Variants in CWF19L2 observed in about 807,000 individuals in gnomAD.
CWF19L2 encodes CWF19 like cell cycle control factor 2, also known as CWF19-like protein 2.
In CWF19L2, 98 loss-of-function variants were observed where a neutral mutation model predicts 111.7. That is an observed-to-expected ratio of 0.88 (90% CI 0.75 to 1.04). The LOEUF is 1.04. Among genes scored for constraint, CWF19L2 ranks in the 50% least tolerant of loss-of-function variants. The pLI is 0.00. For synonymous variants in CWF19L2, 351 were observed against 342.9 expected, an observed-to-expected ratio of 1.02 and a Z score of -0.26; for missense variants, 1,101 against 1,051.4, an observed-to-expected ratio of 1.05 and a Z score of -0.65.
chr11:107,363,069 A>G (rs1860381595), intron 12 of CWF19L2, among the ~76,000 whole-genome samples: 2 of 152,146 alleles, frequency 1.3e-5, no homozygotes, highest in Admixed American at 6.5e-5. Context: ...AAGAAAGGGT[A>G]TCAGCGATGG....
intron 3 of CWF19L2, among the ~76,000 whole-genome samples, chr11:107,450,256 C>A (rs1861759921): frequency 6.6e-6 from 1 of 152,022 alleles, no homozygotes; most frequent in South Asian, 2.1e-4. Flanking sequence ...ATATATAGAT[C>A]ATAGGCTAGA....
chr11:107,416,856 C>T (rs983787644), intron 9 of CWF19L2, among the ~76,000 whole-genome samples: 1 of 152,186 alleles, frequency 6.6e-6, no homozygotes, highest in East Asian at 1.9e-4. Context: ...TTCTTGAACA[C>T]AAGAACACAT....
At chr11:107,344,808 C>A (rs921613954) in intron 14 of CWF19L2, among the ~76,000 whole-genome samples, 1 of 152,112 alleles carries the variant, frequency 6.6e-6, no homozygotes, top group Admixed American at 6.6e-5. Flanking sequence ...GAGACTGGAT[C>A]TTGTTTAAAT....
At chr11:107,431,761 G>T (rs1338176963) in intron 7 of CWF19L2, among the ~76,000 whole-genome samples, 3 of 151,884 alleles carry the variant, frequency 2.0e-5, no homozygotes, top group Non-Finnish European at 4.4e-5. Context: ...GGAAAAGATA[G>T]AAAAATCAAT....
At chr11:107,444,141 C>T (rs1861670318) in intron 3 of CWF19L2, among the ~76,000 whole-genome samples, 1 of 151,778 alleles carries the variant, frequency 6.6e-6, no homozygotes, top group African/African-American at 2.4e-5. Flanking sequence ...TTCCTTGACC[C>T]CGTATATTCC....
chr11:107,446,219 C>A (rs1861700260), intron 3 of CWF19L2, among the ~76,000 whole-genome samples: 1 of 152,208 alleles, frequency 6.6e-6, no homozygotes, highest in Non-Finnish European at 1.5e-5. Flanking sequence ...TCTTGGTTTA[C>A]AAGGCCCTAT....
intron 12 of CWF19L2, among the ~76,000 whole-genome samples, chr11:107,356,657 A>C (rs1055880954): frequency 3.3e-5 from 5 of 152,242 alleles, no homozygotes; most frequent in Non-Finnish European, 7.3e-5. Flanking sequence ...CATTTTCATG[A>C]AATAGTGTCC....
At position 107,429,398 on chromosome 11, in the gene CWF19L2, C is replaced by T. The variant is rs1861431573; in HGVS notation, c.834G>A (p.Thr278=). 4.4e-6 allele frequency: 7 copies of T among 1,578,224 alleles called. No homozygotes were observed. Among genetic ancestry groups the T allele is most frequent in the Admixed American group, 1.9e-5 (1 of 53,360 alleles). ...KLEDAEKAAS[T]KEDYRRERWR... The stretch of plus-strand genomic sequence containing the variant: ...ACCGTTCCCGTCTATAATCTTCTTT[C>T]GTGGATGCAGCTTTTTCAGCATCTT... Residue 278 remains threonine (T), a synonymous_variant, in exon 8 of 18, where the codon ACG becomes ACA. Coordinates refer to ENST00000282251, the MANE Select transcript of CWF19L2 (RefSeq NM_152434.3).
At chr11:107,448,621 G>A (rs1346331193) in intron 3 of CWF19L2, among the ~76,000 whole-genome samples, 2 of 152,136 alleles carry the variant, frequency 1.3e-5, no homozygotes, top group Non-Finnish European at 2.9e-5. Flanking sequence ...GCTACACTCT[G>A]AATGTTTGTG....
At chr11:107,395,938 A>G (rs1159098713) in intron 10 of CWF19L2, among the ~76,000 whole-genome samples, 1 of 51,218 alleles carries the variant, frequency 2.0e-5, no homozygotes, top group Non-Finnish European at 3.6e-5. Context: ...TGCTTGATAA[A>G]TGTTATTACA....
chr11:107,409,676 C>CA (rs1861129503), intron 10 of CWF19L2, among the ~76,000 whole-genome samples: 1 of 151,966 alleles, frequency 6.6e-6, no homozygotes, highest in Non-Finnish European at 1.5e-5. Context: ...ATAAAACTAG[C>CA]AATATCCAAA....
Position 107,392,891 on chromosome 11 carries a change from T to C in CWF19L2, c.1622A>G (p.Glu541Gly), listed in dbSNP as rs1299706973. The change falls in exon 11 of 18, where the codon GAA becomes GGA. Residue 541 changes from glutamate (E) to glycine (G), a missense_variant. Coordinates refer to ENST00000282251, the MANE Select transcript of CWF19L2 (RefSeq NM_152434.3). ...GACAAGGATTACTTCTTGCTGGTCT[T>C]CATTCTATAAAAAGATTTAGAGATA... ...QIPKKSGVEN[E>G]DQQEVILVRT... is the part of the protein sequence containing the mutation. 5 of 1,547,222 alleles carry C rather than the reference T, an allele frequency of 3.2e-6. No individual in the cohort carries two copies. The highest frequency in any genetic ancestry group is 2.8e-5 in the African/African-American group (2 of 70,610).
Position 107,372,390 on chromosome 11 carries a change from C to G in CWF19L2, c.1872+17684G>C, listed in dbSNP as rs185141643. Among the ~76,000 whole-genome samples the G allele has an allele frequency of 5.3e-5, 7 of 131,512 alleles. 2 individuals carry two copies. The East Asian group carries it at 1.1e-3, about 21-fold the overall frequency. The allele number at this position is 131,512 out of a possible 152,430, so 86.3% of individuals were successfully genotyped here. ...AGGTGGCAAAAAAAAAAAGTGGAAA[C>G]AGCAAATGCAGTCTGTGGCAGCAGA... is the stretch of plus-strand genomic sequence containing the variant. On this transcript the variant is annotated intron_variant, in intron 12 of 17. Transcript: ENST00000282251.
At chr11:107,372,308 A>T (rs1194052355) in intron 12 of CWF19L2, among the ~76,000 whole-genome samples, 1 of 135,936 alleles carries the variant, frequency 7.4e-6, no homozygotes, top group African/African-American at 3.0e-5. Context: ...AAGAGTTATG[A>T]TAAAGATGAG....
At chr11:107,431,074 A>C (rs1861459995) in intron 7 of CWF19L2, among the ~76,000 whole-genome samples, 2 of 152,006 alleles carry the variant, frequency 1.3e-5, no homozygotes, top group Non-Finnish European at 2.9e-5. Context: ...ATACTTAAAC[A>C]TGATACTCTT....
chr11:107,382,463 A>G (rs1403236910), intron 12 of CWF19L2, among the ~76,000 whole-genome samples: 1 of 152,202 alleles, frequency 6.6e-6, no homozygotes, highest in African/African-American at 2.4e-5. Context: ...CAGCTGTAAG[A>G]TGTGAAAGGT....
chr11:107,362,531 G>T (rs1356663160), intron 12 of CWF19L2, among the ~76,000 whole-genome samples: 1 of 152,006 alleles, frequency 6.6e-6, no homozygotes, highest in Non-Finnish European at 1.5e-5. Flanking sequence ...CCCCCGAGCA[G>T]CCTAACTGGG....
chr11:107,419,514 C>G (rs893821603), intron 8 of CWF19L2, among the ~76,000 whole-genome samples: 2 of 152,018 alleles, frequency 1.3e-5, no homozygotes, highest in Non-Finnish European at 2.9e-5. Flanking sequence ...TCAAAATCAA[C>G]CCAGAACTGA....
At chr11:107,400,912 T>A (rs1860989946) in intron 10 of CWF19L2, among the ~76,000 whole-genome samples, 2 of 152,114 alleles carry the variant, frequency 1.3e-5, no homozygotes, top group Admixed American at 1.3e-4. Flanking sequence ...TGGTTTAACA[T>A]ACACAAGTCA....
Sources: allele counts gnomAD v4.1 joint callset (sites outside exome capture counted in the v4.1 genomes callset), GRCh38; gene constraint gnomAD v4.1.1; transcripts MANE v1.5; gene names NCBI Gene and HGNC (gene_info 2026-07-23, HGNC 2026-07-21).